The following HMCN2 variants were observed in gnomAD, a reference collection of about 807,000 sequenced individuals.
HMCN2 encodes the protein hemicentin-2.
HMCN2 carries 325 observed loss-of-function variants against 377.5 expected under a neutral mutation model. That is an observed-to-expected ratio of 0.86 (90% CI 0.79 to 0.94). The LOEUF is 0.94. Among genes scored for constraint, HMCN2 ranks in the 40% least tolerant of loss-of-function variants. The pLI is 0.00. For missense variants in HMCN2, 4,543 were observed against 4,725.3 expected (o/e 0.96, Z 1.13); for synonymous variants, 2,007 against 2,046.8 (o/e 0.98, Z 0.53).
chr9:130,432,642 A>C, intron 97 of HMCN2, 87 bp downstream of exon 97: 2 of 1,375,914 alleles, frequency 1.5e-6, no homozygotes, highest in Admixed American at 2.1e-5. Context: ...TGTCATTGTC[A>C]CTCCCCACAC....
Position 130,431,457 on chromosome 9 carries a change from G to T in HMCN2, c.14738G>T (p.Arg4913Leu), listed in dbSNP as rs879646254. The change falls in exon 96 of 98, where the codon CGT becomes CTT. Residue 4913 changes from arginine (R) to leucine (L), a missense_variant. Around this residue, in one of 5 missense-constraint regions of HMCN2, gnomAD observed 1,155 missense variants for 1,157.7 expected, o/e 1.00. Coordinates refer to ENST00000683500, the MANE Select transcript of HMCN2 (RefSeq NM_001291815.2). ...CAGTGCCTGTGCCCCGCCGGCTACC[G>T]TCTGCTCCCCAGCGGGAAGAACTGC... The part of the protein sequence containing the change: ...SYQCLCPAGY[R>L]LLPSGKNCQD... 7 of 1,549,828 alleles carry T rather than the reference G, an allele frequency of 4.5e-6. No homozygotes were observed. Among genetic ancestry groups the T allele is most frequent in the Non-Finnish European group, 5.2e-6 (6 of 1,146,842 alleles).
intron 1 of HMCN2, among the ~76,000 whole-genome samples, chr9:130,272,213 CTTCTTCTTT>C (rs1834441157): frequency 6.7e-6 from 1 of 148,640 alleles, no homozygotes; most frequent in Admixed American, 6.7e-5. Flanking sequence ...TCTTCAGCTT[CTTCTTCTTT>C]TTTAAAAAAA....
At position 130,369,801 on chromosome 9, in the gene HMCN2, CCGA is replaced by C. The variant is rs1355263281; in HGVS notation, c.7020_7022del (p.Glu2341del). On this transcript the variant is annotated inframe_deletion, in exon 45 of 98. Transcript: ENST00000683500. This position sits in a 1 kb window ranked among gnomAD's most constrained non-coding sequence, Gnocchi z 4.5. ...CACACTGGACGCTACAGCTGTGTGG[CCGA>C]GAACCTGGCTGGGAGGGCAGAGAGG... The C allele has an allele frequency of 3.0e-6, 3 of 985,988 alleles. No individual in the cohort carries two copies. Among genetic ancestry groups the C allele is most frequent in the Non-Finnish European group, 3.6e-6 (3 of 830,208 alleles). The allele number at this position is 985,988 out of a possible 1,614,324, so 61.1% of individuals were successfully genotyped here.
At chr9:130,286,349 C>T (rs1554927748) in intron 4 of HMCN2, 39 bp downstream of exon 4, 1 of 468,844 alleles carries the variant, frequency 2.1e-6, no homozygotes, top group Non-Finnish European at 4.4e-6. Flanking sequence ...GAGCCCATCA[C>T]TCGGGCACGG....
At chr9:130,385,859 G>A in intron 60 of HMCN2, 97 bp downstream of exon 60, 1 of 819,308 alleles carries the variant, frequency 1.2e-6, no homozygotes, top group Non-Finnish European at 1.7e-6. Context: ...CAGGATGTGA[G>A]TTGCTGCCTC....
At chr9:130,411,711 AAAC>A (rs1843424837) in intron 85 of HMCN2, among the ~76,000 whole-genome samples, 3 of 152,214 alleles carry the variant, frequency 2.0e-5, no homozygotes, top group Non-Finnish European at 4.4e-5. Flanking sequence ...GGTCACAAAG[AAAC>A]AAACACTGTA....
chr9:130,279,240 C>T (rs1383889706), intron 1 of HMCN2, among the ~76,000 whole-genome samples: 1 of 152,158 alleles, frequency 6.6e-6, no homozygotes, highest in Non-Finnish European at 1.5e-5. Flanking sequence ...TGTATCCAGT[C>T]AACTCTTGCC....
rs1838467242 is a variant in HMCN2, at chr9:130,332,266, G to C, written c.3359+4791G>C. Among the ~76,000 whole-genome samples, 14 of 152,352 alleles carry C rather than the reference G, an allele frequency of 9.2e-5. No homozygotes were observed. The South Asian group carries it at 2.9e-3, about 32-fold the overall frequency. ...GAACATTTAAGTTTCCTCGCCTTCA[G>C]AGCCGGACGTTTAGATCACCATGGC... On this transcript the variant is annotated intron_variant, in intron 22 of 97. Transcript: ENST00000683500.
chr9:130,392,979 G>C (rs1252806151), intron 66 of HMCN2, among the ~76,000 whole-genome samples: 1 of 151,498 alleles, frequency 6.6e-6, no homozygotes, highest in Non-Finnish European at 1.5e-5. Context: ...CTGGGTGACA[G>C]AGTGAGACAC....
chr9:130,298,030 C>T (rs1486158647), intron 7 of HMCN2, among the ~76,000 whole-genome samples: 2 of 152,208 alleles, frequency 1.3e-5, no homozygotes, highest in Non-Finnish European at 2.9e-5. Context: ...TCTCTGCTCA[C>T]TCTAACCTCT....
At position 130,379,474 on chromosome 9, in the gene HMCN2, CA is replaced by C. The variant is rs1841581758; in HGVS notation, c.8431+8del. On this transcript the variant is annotated splice_region_variant and intron_variant, in intron 54 of 97. Coordinates refer to ENST00000683500, the MANE Select transcript of HMCN2 (RefSeq NM_001291815.2). ...GAGGTGTCTGTGCTGCAAGGTGGGT[CA>C]GGGGTGCGTGAAGAAAGTGGGCGCT... 3.0e-6 allele frequency: 3 copies of C among 985,168 alleles called. No homozygotes were observed. The highest frequency in any genetic ancestry group is 1.2e-6 in the Non-Finnish European group (1 of 829,510). The allele number at this position is 985,168 out of a possible 1,614,324, so 61.0% of individuals were successfully genotyped here.
chr9:130,396,255 C>A lies in HMCN2; in HGVS notation c.11140C>A (p.Pro3714Thr). The change falls in exon 73 of 98, where the codon CCC becomes ACC. Residue 3714 changes from proline to threonine, a missense_variant. Physicochemically the swap from Pro to Thr is conservative, Grantham distance 38. This residue lies in a region of HMCN2 where 1,073 missense variants were observed against 1,319.5 expected (regional missense o/e 0.81). Coordinates refer to ENST00000683500, the MANE Select transcript of HMCN2 (RefSeq NM_001291815.2). ...GCTGCCTTGCCAGGCCGACGGCGTGCCCGCACCCCTCGTGAGCTGGCGGAA... is the reference window on the plus strand; with the variant it reads ...GCTGCCTTGCCAGGCCGACGGCGTGACCGCACCCCTCGTGAGCTGGCGGAA... The part of the protein sequence containing the change: ...ALLPCQADGV[P>T]APLVSWRKDR... 1 of 1,286,412 alleles carries A rather than the reference C, an allele frequency of 7.8e-7. No homozygotes were observed. Among genetic ancestry groups the A allele is most frequent in the Non-Finnish European group, 1.0e-6 (1 of 985,974 alleles). 79.7% of individuals were successfully genotyped at this position (1,286,412 alleles called of 1,614,324 possible). A position where few individuals can be genotyped will look rare whatever the true frequency, so the allele number is the denominator to read the frequency against.
intron 13 of HMCN2, 79 bp from the exon 14 acceptor site, chr9:130,307,374 G>C (rs547130308): frequency 2.2e-6 from 1 of 464,286 alleles, no homozygotes; most frequent in East Asian, 7.0e-5. Flanking sequence ...ATGAGGGAGA[G>C]GGCTCCCTGA....
rs559738884 is a variant in HMCN2 at position 130,392,756 on chromosome 9, G to A, written c.10137-456G>A. On this transcript the variant is annotated intron_variant, in intron 66 of 97. Transcript: ENST00000683500. ...CTCACGCCTGTAATCCAGCACTTTG[G>A]GAGGCCAAGGCGGGCAGATTACAAG... Among the ~76,000 whole-genome samples the A allele has an allele frequency of 1.8e-4, 27 of 152,268 alleles. 1 individual carries two copies. In the South Asian group the frequency reaches 5.0e-3, roughly 28 times the overall value.
chr9:130,313,221 C>G (rs1024821117), intron 15 of HMCN2, among the ~76,000 whole-genome samples: 3,476 of 151,900 alleles, frequency 0.023, 127 homozygotes, highest in African/African-American at 0.08. Flanking sequence ...GCCTTCCTGG[C>G]CAGACTGGCA....
rs1484154926 is a variant in HMCN2, at chr9:130,303,464, C to G, written c.1422-23C>G. 4.5e-6 allele frequency: 2 copies of G among 440,168 alleles called. No individual in the cohort carries two copies. Among genetic ancestry groups the G allele is most frequent in the African/African-American group, 4.1e-5 (2 of 48,818 alleles). 27.3% of individuals were successfully genotyped at this position (440,168 alleles called of 1,614,324 possible). A position where few individuals can be genotyped will look rare whatever the true frequency, so the allele number is the denominator to read the frequency against. ...AGTGGGGGTCAGTGTGATTGTGTGT[C>G]TCCCACTGTTCCCTGTTTGCAGGGA... is the stretch of plus-strand genomic sequence containing the variant. On this transcript the variant is annotated intron_variant, in intron 9 of 97. Coordinates refer to ENST00000683500, the MANE Select transcript of HMCN2 (RefSeq NM_001291815.2). This position sits in a 1 kb window ranked among gnomAD's most constrained non-coding sequence, Gnocchi z 5.2.
rs997718814 is a variant in HMCN2 at position 130,428,863 on chromosome 9, G to A, written c.14197+374G>A. On this transcript the variant is annotated intron_variant, in intron 93 of 97. Coordinates refer to ENST00000683500, the MANE Select transcript of HMCN2 (RefSeq NM_001291815.2). This position sits in a 1 kb window ranked among gnomAD's most constrained non-coding sequence, Gnocchi z 5.0. ...AGACCACCTCTGAATCCTTCTTGAC[G>A]CAGCAGCCCCTGCAGCCACAGTGGA... is the stretch of plus-strand genomic sequence containing the variant. 2.0e-5 allele frequency among the ~76,000 whole-genome samples: 3 copies of A among 152,184 alleles called. No homozygotes were observed. Among genetic ancestry groups the A allele is most frequent in the East Asian group, 1.9e-4 (1 of 5,198 alleles).
intron 1 of HMCN2, among the ~76,000 whole-genome samples, chr9:130,267,944 A>G (rs1834213251): frequency 6.6e-6 from 1 of 152,246 alleles, no homozygotes; most frequent in South Asian, 2.1e-4. Context: ...TTCCGAAGAC[A>G]TCACACTGAA....
At position 130,269,465 on chromosome 9, in the gene HMCN2, G is replaced by A. The variant is rs782496994; in HGVS notation, c.259+3328G>A. 4.1e-5 allele frequency among the ~76,000 whole-genome samples: 6 copies of A among 147,738 alleles called. 1 individual carries two copies. The highest frequency in any genetic ancestry group is 6.8e-5 in the Admixed American group (1 of 14,684). ...CTAGGCCATTTTTAACACACCGAGT[G>A]GGGGGACGACTCTTCAGGTTGTTTT... On this transcript the variant is annotated intron_variant, in intron 1 of 97. Transcript: ENST00000683500.
Sources: gnomAD v4.1 joint callset for allele counts (sites outside exome capture counted in the v4.1 genomes callset) on GRCh38, gnomAD v4.1.1 for gene constraint, gnomAD v4.1.1 regional missense constraint, Gnocchi (gnomAD v3.1) non-coding constraint, MANE v1.5 for transcripts, NCBI Gene and HGNC (gene_info 2026-07-23, HGNC 2026-07-21) for gene names.